Variants in PDGFRL observed in about 807,000 individuals in gnomAD.
PDGFRL encodes platelet-derived growth factor receptor-like protein.
PDGFRL carries 46 observed loss-of-function variants against 37.2 expected under a neutral mutation model. That is an observed-to-expected ratio of 1.24 (90% CI 0.98 to 1.58). The LOEUF is 1.58. PDGFRL is among the 40% of genes most tolerant of loss of function. PDGFRL has a pLI of 0.00. For synonymous variants in PDGFRL, 251 were observed against 184.3 expected (o/e 1.36, Z -2.93); for missense variants, 692 against 467.6 (o/e 1.48, Z -4.43).
rs1356419901 is a variant in PDGFRL, at chr8:17,590,253, A to AAAAAAAAG, written c.353+491_353+492insAAAAGAAA. On this transcript the variant is annotated intron_variant, in intron 2 of 5. Transcript: ENST00000251630. ...CTCCATCTCAAAAAAAAAAAAAAAA[A>AAAAAAAAG]AAATTGCAAATCCTACCAACATTTG... Among the ~76,000 whole-genome samples, 13 of 144,622 alleles carry AAAAAAAAG rather than the reference A, an allele frequency of 9.0e-5. 1 individual carries two copies. Among genetic ancestry groups the AAAAAAAAG allele is most frequent in the South Asian group, 6.9e-4 (3 of 4,348 alleles). The allele number at this position is 144,622 out of a possible 152,430, so 94.9% of individuals were successfully genotyped here.
chr8:17,577,033 G>T (rs1421499502), upstream of PDGFRL: 3 of 609,116 alleles, frequency 4.9e-6, no homozygotes, highest in Non-Finnish European at 8.2e-6. Flanking sequence ...GAAGTGCTGC[G>T]CACCGCGGCT....
At chr8:17,590,482 C>G (rs896091411) in intron 2 of PDGFRL, among the ~76,000 whole-genome samples, 6 of 151,972 alleles carry the variant, frequency 3.9e-5, no homozygotes, top group African/African-American at 1.4e-4. Context: ...GAGGCCAAAG[C>G]AGGCAGATCA....
chr8:17,639,064 A>G (rs780921989), intron 5 of PDGFRL, among the ~76,000 whole-genome samples: 20 of 151,768 alleles, frequency 1.3e-4, no homozygotes, highest in Non-Finnish European at 2.1e-4. Context: ...AAACAAAACA[A>G]ACAAAAAGAA....
intron 2 of PDGFRL, among the ~76,000 whole-genome samples, chr8:17,602,704 G>T (rs914637713): frequency 6.6e-6 from 1 of 152,136 alleles, no homozygotes; most frequent in African/African-American, 2.4e-5. Context: ...TTGGAAGAGC[G>T]TAACTGCAGG....
chr8:17,594,489 C>T lies in PDGFRL; in HGVS notation c.353+4724C>T, dbSNP rs1169746171. ...TTCCTGACCTCAACTGATCTGTCTG[C>T]CTCAGCCTCCTGTAAGTGCTGGGAT... On this transcript the variant is annotated intron_variant, in intron 2 of 5. Coordinates refer to ENST00000251630, the MANE Select transcript of PDGFRL (RefSeq NM_001372073.1). 4.6e-5 allele frequency among the ~76,000 whole-genome samples: 7 copies of T among 152,132 alleles called. No homozygotes were observed. The East Asian group carries it at 1.4e-3, about 30-fold the overall frequency.
rs571771285 is a variant in PDGFRL, at chr8:17,580,280, CT to C, written c.55+2974del. On this transcript the variant is annotated intron_variant, in intron 1 of 5. Transcript: ENST00000251630. ...ACAGAGACACAATGACGAGGATTCT[CT>C]AACCAAGAGCCTTTGACACTTTCGT... Among the ~76,000 whole-genome samples, 273 of 152,142 alleles carry C rather than the reference CT, an allele frequency of 1.8e-3. 3 individuals are homozygous for C. Among genetic ancestry groups the C allele is most frequent in the African/African-American group, 6.2e-3 (259 of 41,494 alleles).
At chr8:17,610,509 C>T (rs1383700145) in intron 2 of PDGFRL, among the ~76,000 whole-genome samples, 1 of 152,096 alleles carries the variant, frequency 6.6e-6, no homozygotes, top group Non-Finnish European at 1.5e-5. Flanking sequence ...AGTCCAAACC[C>T]CTCTGGTTCC....
At chr8:17,628,344 A>G in intron 3 of PDGFRL, 143 bp from the exon 4 acceptor site, 1 of 645,076 alleles carries the variant, frequency 1.6e-6, no homozygotes, top group East Asian at 2.6e-5. Flanking sequence ...CCAAAAAATG[A>G]AAAGCATTAA....
Position 17,621,106 on chromosome 8 carries a change from G to C in PDGFRL, c.409G>C (p.Asp137His). 1 of 1,612,216 alleles carries C rather than the reference G, an allele frequency of 6.2e-7. No homozygotes were observed. The highest frequency in any genetic ancestry group is 8.5e-7 in the Non-Finnish European group (1 of 1,178,664). The change falls in exon 3 of 6, where the codon GAC becomes CAC. Residue 137 changes from aspartate to histidine, a missense_variant. Asp to His is a moderately conservative substitution (Grantham distance 81, BLOSUM62 -1). Transcript: ENST00000251630. ...QLTLVNSTSA[D>H]TGEFSCWVQL... ...GACTCTGGTCAACTCCACCTCGGCAGACACAGGTGAATTCAGCTGCTGGGT... is the reference window on the plus strand; with the variant it reads ...GACTCTGGTCAACTCCACCTCGGCACACACAGGTGAATTCAGCTGCTGGGT...
At chr8:17,588,013 C>T (rs1421876004) in intron 1 of PDGFRL, among the ~76,000 whole-genome samples, 1 of 151,950 alleles carries the variant, frequency 6.6e-6, no homozygotes, top group Non-Finnish European at 1.5e-5. Context: ...GTCCGGTGGC[C>T]CACCACAGGC....
intron 2 of PDGFRL, among the ~76,000 whole-genome samples, chr8:17,607,336 T>C (rs376994990): frequency 6.6e-6 from 1 of 152,254 alleles, no homozygotes; most frequent in Admixed American, 6.5e-5. Context: ...CGTTCTATAG[T>C]TTTGGGGAAA....
chr8:17,595,297 G>A (rs1234811258), intron 2 of PDGFRL, among the ~76,000 whole-genome samples: 9 of 152,114 alleles, frequency 5.9e-5, no homozygotes, highest in Non-Finnish European at 1.3e-4. Flanking sequence ...GGCGTTCAAA[G>A]CCTTTCCAAG....
In PDGFRL at chr8:17,599,565, CT is replaced by C. The variant is rs370015974; in HGVS notation, c.353+9801del. Among the ~76,000 whole-genome samples the C allele has an allele frequency of 4.3e-3, 662 of 152,316 alleles. 2 individuals carry two copies. The highest frequency in any genetic ancestry group is 0.014 in the African/African-American group (600 of 41,572). ...ACCCTGTTCATCTACTTTCTCTTGT[CT>C]GCACATGGACCCTGAGGACTGCTGG... On this transcript the variant is annotated intron_variant, in intron 2 of 5. Coordinates refer to ENST00000251630, the MANE Select transcript of PDGFRL (RefSeq NM_001372073.1).
At chr8:17,585,210 A>G (rs567296820) in intron 1 of PDGFRL, among the ~76,000 whole-genome samples, 23 of 152,122 alleles carry the variant, frequency 1.5e-4, no homozygotes, top group Non-Finnish European at 3.2e-4. Context: ...ATTTGGCCAG[A>G]TTCTTTACCA....
At chr8:17,602,860 G>A (rs938731083) in intron 2 of PDGFRL, among the ~76,000 whole-genome samples, 4 of 152,194 alleles carry the variant, frequency 2.6e-5, no homozygotes, top group African/African-American at 4.8e-5. Flanking sequence ...AGAACTGAGT[G>A]GATACAATAT....
intron 5 of PDGFRL, among the ~76,000 whole-genome samples, chr8:17,641,003 C>T (rs949493922): frequency 6.6e-6 from 1 of 151,970 alleles, no homozygotes; most frequent in Non-Finnish European, 1.5e-5. Flanking sequence ...TTATGTTCCT[C>T]AGGGGATTAT....
intron 2 of PDGFRL, among the ~76,000 whole-genome samples, chr8:17,604,369 A>T (rs934300240): frequency 2.6e-5 from 4 of 152,204 alleles, no homozygotes; most frequent in Non-Finnish European, 5.9e-5. Context: ...GATTAAGAAA[A>T]TGTGGCACAT....
intron 4 of PDGFRL, among the ~76,000 whole-genome samples, chr8:17,632,048 G>T (rs1214894420): frequency 6.6e-6 from 1 of 152,162 alleles, no homozygotes; most frequent in Non-Finnish European, 1.5e-5. Context: ...TGCCATCCCT[G>T]GCCTCAGTGC....
intron 2 of PDGFRL, among the ~76,000 whole-genome samples, chr8:17,620,716 T>A (rs1052323548): frequency 6.6e-6 from 1 of 152,160 alleles, no homozygotes; most frequent in East Asian, 1.9e-4. Context: ...GAATAAAATT[T>A]TTTGAATTGT....
Sources: allele counts gnomAD v4.1 joint callset (sites outside exome capture counted in the v4.1 genomes callset), GRCh38; gene constraint gnomAD v4.1.1; transcripts MANE v1.5; gene names NCBI Gene and HGNC (gene_info 2026-07-23, HGNC 2026-07-21).